LYST: variants seen among roughly 807,000 people sequenced by gnomAD.
The protein encoded by LYST is lysosomal trafficking regulator.
In LYST, 192 loss-of-function variants were observed where a neutral mutation model predicts 413.6. The ratio of observed to expected loss-of-function variants is 0.46; its 90% confidence interval spans 0.41 to 0.52. The LOEUF (loss-of-function observed/expected upper bound fraction) is 0.52. Among genes scored for constraint, LYST ranks in the 20% least tolerant of loss-of-function variants. The pLI is 0.00. For synonymous variants in LYST, 1,525 were observed against 1,567.3 expected (o/e 0.97, Z 0.64); for missense variants, 3,815 against 4,499.9 (o/e 0.85, Z 4.35).
intron 44 of LYST, among the ~76,000 whole-genome samples, chr1:235,704,642 C>T (rs1233510567): frequency 2.6e-5 from 4 of 152,062 alleles, no homozygotes; most frequent in African/African-American, 7.3e-5. Context: ...CTTATAGATG[C>T]TGGATATTAC....
rs1015877590 is a variant in LYST at position 235,854,990 on chromosome 1, A to T, written c.-98+11853T>A. 5.3e-5 allele frequency among the ~76,000 whole-genome samples: 8 copies of T among 152,242 alleles called. No individual in the cohort carries two copies. The highest frequency in any genetic ancestry group is 1.9e-4 in the African/African-American group (8 of 41,468). ...AAGTATGCAATACCTGCTACAATTT[A>T]GCTTTTCCAAACTCCCAACACATAA... On this transcript the variant is annotated intron_variant, in intron 1 of 52. Coordinates refer to ENST00000389793, the MANE Select transcript of LYST (RefSeq NM_000081.4). This position sits in a 1 kb window ranked among gnomAD's most constrained non-coding sequence, Gnocchi z 4.1.
chr1:235,748,849 T>C (rs186141121), intron 28 of LYST, among the ~76,000 whole-genome samples: 4 of 152,256 alleles, frequency 2.6e-5, no homozygotes, highest in Admixed American at 2.0e-4. Context: ...TTGAGTAAAT[T>C]TGTCTATTAT....
In LYST at chr1:235,674,566, T is replaced by C. The variant is rs980412673; in HGVS notation, c.11038+2525A>G. Among the ~76,000 whole-genome samples, 2 of 152,218 alleles carry C rather than the reference T, an allele frequency of 1.3e-5. No homozygotes were observed. The highest frequency in any genetic ancestry group is 2.9e-5 in the Non-Finnish European group (2 of 68,042). ...TCATGGGTAACTGCAAGCAAAAATG[T>C]AGACTGGATAAATTACGTTTATTAT... On this transcript the variant is annotated intron_variant, in intron 50 of 52. Transcript: ENST00000389793. This position sits in a 1 kb window ranked among gnomAD's most constrained non-coding sequence, Gnocchi z 4.1.
intron 1 of LYST, among the ~76,000 whole-genome samples, chr1:235,875,392 G>C (rs928556350): frequency 6.6e-6 from 1 of 152,118 alleles, no homozygotes; most frequent in East Asian, 1.9e-4. Context: ...AATATCCTGG[G>C]ACAAATATCT....
chr1:235,868,057 A>G (rs1163984149), upstream of LYST, among the ~76,000 whole-genome samples: 3 of 152,226 alleles, frequency 2.0e-5, no homozygotes, highest in East Asian at 5.8e-4. Flanking sequence ...CTCTTGGGGA[A>G]AATTCCCCAC....
chr1:235,762,770 G>A lies in LYST; in HGVS notation c.6203C>T (p.Pro2068Leu). The change falls in exon 22 of 53, where the codon CCT becomes CTT. Residue 2068 changes from proline to leucine, a missense_variant. Pro to Leu is a moderately conservative substitution (Grantham distance 98). Around this residue, in one of 4 missense-constraint regions of LYST, gnomAD observed 530 missense variants for 696.5 expected, o/e 0.76. Coordinates refer to ENST00000389793, the MANE Select transcript of LYST (RefSeq NM_000081.4). ...SSSGGRSLMSPGFMVISPSGF... is the reference protein window; with the variant it reads ...SSSGGRSLMSLGFMVISPSGF... ...AGATGGGCTTATTACCATAAATCCAGGGCTCATAAGGGACCTTCCTCCACT... is the reference window on the plus strand; with the variant it reads ...AGATGGGCTTATTACCATAAATCCAAGGCTCATAAGGGACCTTCCTCCACT... 1.2e-6 allele frequency: 2 copies of A among 1,613,022 alleles called. No individual in the cohort carries two copies. The highest frequency in any genetic ancestry group is 8.5e-7 in the Non-Finnish European group (1 of 1,179,150).
chr1:235,796,028 G>A (rs566478013), intron 10 of LYST, among the ~76,000 whole-genome samples: 2 of 151,982 alleles, frequency 1.3e-5, no homozygotes, highest in Admixed American at 1.3e-4. Context: ...AAAAGGTTGG[G>A]ATTGAAAAAA....
intron 3 of LYST, chr1:235,828,806 G>A: frequency 1.3e-6 from 1 of 772,444 alleles, no homozygotes; most frequent in Non-Finnish European, 1.6e-6. Flanking sequence ...GGTCTAACAT[G>A]ATTTTTTCTG....
At chr1:235,687,156 AT>A (rs961256496) in intron 47 of LYST, 109 bp from the exon 48 acceptor site, 361 of 790,982 alleles carry the variant, frequency 4.6e-4, no homozygotes, top group East Asian at 4.7e-4. Flanking sequence ...TCTGACAACT[AT>A]TTTTTTTAAC....
intron 1 of LYST, among the ~76,000 whole-genome samples, chr1:235,862,848 C>CACACACACACACAT (rs36022107): frequency 1.1e-4 from 16 of 146,508 alleles, no homozygotes; most frequent in African/African-American, 2.3e-4. Context: ...CACACACACA[C>CACACACACACACAT]CCCTTCAAGA....
At chr1:235,787,444 G>A in intron 13 of LYST, 71 bp from the exon 14 acceptor site, 1 of 1,170,878 alleles carries the variant, frequency 8.5e-7, no homozygotes, top group Non-Finnish European at 1.3e-6. Flanking sequence ...CATACATATA[G>A]TAACTATAAT....
chr1:235,733,875 A>G lies in LYST; in HGVS notation c.8567T>C (p.Val2856Ala), dbSNP rs1664592485. 1.9e-6 allele frequency: 3 copies of G among 1,596,792 alleles called. No individual in the cohort carries two copies. Among genetic ancestry groups the G allele is most frequent in the African/African-American group, 1.3e-5 (1 of 74,406 alleles). The change falls in exon 33 of 53, where the codon GTG becomes GCG. Residue 2856 changes from valine (V) to alanine (A), a missense_variant. Val to Ala is a moderately conservative substitution (Grantham distance 64, BLOSUM62 0). Around this residue, in one of 4 missense-constraint regions of LYST, gnomAD observed 771 missense variants for 837.1 expected, o/e 0.92. Coordinates refer to ENST00000389793, the MANE Select transcript of LYST (RefSeq NM_000081.4). ...EQKKYETEEG[V>A]NKAAWQKTVN... is the part of the protein sequence containing the mutation. ...TGTTTTCTGCCAAGCAGCTTTATTC[A>G]CTCCTTCTTCAGTTTCATATTTCTT...
At chr1:235,816,363 C>G (rs370381486) in intron 3 of LYST, among the ~76,000 whole-genome samples, 8 of 149,922 alleles carry the variant, frequency 5.3e-5, no homozygotes, top group East Asian at 3.9e-4. Context: ...TCACTTGAAC[C>G]TGAGAGGCGG....
intron 15 of LYST, 96 bp downstream of exon 15, chr1:235,781,831 G>T (rs1448586226): frequency 1.6e-5 from 13 of 813,508 alleles, no homozygotes; most frequent in Non-Finnish European, 2.1e-5. Flanking sequence ...TTTAATATTT[G>T]TTAACTGAGA....
At chr1:235,707,528 C>A (rs1210126989) in intron 44 of LYST, among the ~76,000 whole-genome samples, 1 of 152,058 alleles carries the variant, frequency 6.6e-6, no homozygotes, top group Non-Finnish European at 1.5e-5. Flanking sequence ...GAGGCTGAGG[C>A]AGGAGAATTG....
chr1:235,873,640 A>G (rs1290557233), intron 1 of LYST, among the ~76,000 whole-genome samples: 1 of 152,232 alleles, frequency 6.6e-6, no homozygotes, highest in Admixed American at 6.5e-5. Flanking sequence ...ATTATTGAGC[A>G]TAATTCTTAG....
In LYST at chr1:235,733,474, A is replaced by C. The variant is rs536984841; in HGVS notation, c.8801+29T>G. 8.8e-6 allele frequency: 14 copies of C among 1,593,076 alleles called. No homozygotes were observed. The African/African-American group carries it at 1.6e-4, about 18-fold the overall frequency. On this transcript the variant is annotated intron_variant, in intron 34 of 52. Coordinates refer to ENST00000389793, the MANE Select transcript of LYST (RefSeq NM_000081.4). ...TCAATATCTTAAATCTTCATGGAAG[A>C]CAATTTTAACTGACCTCCCGCAGCT...
Position 235,806,286 on chromosome 1 carries a change from G to A in LYST, c.2850C>T (p.Val950=). 3 of 1,614,020 alleles carry A rather than the reference G, an allele frequency of 1.9e-6. No homozygotes were observed. The highest frequency in any genetic ancestry group is 2.5e-6 in the Non-Finnish European group (3 of 1,179,994). Reference sequence around the variant, plus strand: ...GGTGCATATGTTCAGGAGAAGGCAAGACAAGGCTCTCGAGAGATATACATG... The same window carrying A: ...GGTGCATATGTTCAGGAGAAGGCAAAACAAGGCTCTCGAGAGATATACATG... ...MLPCISLESL[V]LPSPEHMHQA... is the part of the protein sequence containing the mutation. The change falls in exon 6 of 53, where the codon GTC becomes GTT. Residue 950 remains valine, a synonymous_variant. Coordinates refer to ENST00000389793, the MANE Select transcript of LYST (RefSeq NM_000081.4).
At position 235,724,133 on chromosome 1, in the gene LYST, T is replaced by C; in HGVS notation, c.9210A>G (p.Glu3070=). The change falls in exon 39 of 53, where the codon GAA becomes GAG. Residue 3070 remains glutamate, a synonymous_variant. Transcript: ENST00000389793. ...AACGCTTGTGAACTTCTTTAATTTC[T>C]TCATATGTCCAGGAAAATGATGCTG... The part of the protein sequence containing the change: ...LEPASFSWTY[E]EIKEVHKRWW... The C allele has an allele frequency of 6.2e-7, 1 of 1,613,934 alleles. No individual in the cohort carries two copies. Among genetic ancestry groups the C allele is most frequent in the Non-Finnish European group, 8.5e-7 (1 of 1,179,816 alleles).
Sources: gnomAD v4.1 joint callset for allele counts (sites outside exome capture counted in the v4.1 genomes callset) on GRCh38, gnomAD v4.1.1 for gene constraint, gnomAD v4.1.1 regional missense constraint, Gnocchi (gnomAD v3.1) non-coding constraint, MANE v1.5 for transcripts, NCBI Gene and HGNC (gene_info 2026-07-23, HGNC 2026-07-21) for gene names.